DAAM2: variants seen among roughly 807,000 people sequenced by gnomAD.
DAAM2 encodes the protein disheveled-associated activator of morphogenesis 2.
Under a neutral mutation model 120.7 loss-of-function variants are expected in DAAM2, and 39 were observed. The ratio of observed to expected loss-of-function variants is 0.32; its 90% CI spans 0.25 to 0.42. The LOEUF (loss-of-function observed/expected upper bound fraction) is 0.42, where lower values mean the gene tolerates loss of function less well. Among genes scored for constraint, DAAM2 ranks in the 10% least tolerant of loss-of-function variants. DAAM2 has a pLI of 1.00. For synonymous variants in DAAM2, 488 were observed against 524.9 expected, an observed-to-expected ratio of 0.93 and a Z score of 0.96; for missense variants, 1,283 against 1,401.7, an observed-to-expected ratio of 0.92 and a Z score of 1.35.
intron 1 of DAAM2, among the ~76,000 whole-genome samples, chr6:39,853,407 C>T (rs758499973): frequency 1.3e-5 from 2 of 152,172 alleles, no homozygotes; most frequent in East Asian, 1.9e-4. Flanking sequence ...CCTGTATGCA[C>T]GAGGTCCTTC....
At chr6:39,845,928 T>G (rs565677633) in intron 1 of DAAM2, among the ~76,000 whole-genome samples, 127 of 151,962 alleles carry the variant, frequency 8.4e-4, no homozygotes, top group Non-Finnish European at 1.3e-3. Context: ...GCAGAATAAC[T>G]CGAGAAGCAC....
chr6:39,849,852 A>T (rs926470345), intron 1 of DAAM2, among the ~76,000 whole-genome samples: 3 of 152,000 alleles, frequency 2.0e-5, no homozygotes, highest in Non-Finnish European at 4.4e-5. Flanking sequence ...AAAAGCATAG[A>T]TTCTTCCTTT....
intron 1 of DAAM2, among the ~76,000 whole-genome samples, chr6:39,839,960 C>G (rs2149250060): frequency 6.6e-6 from 1 of 152,330 alleles, no homozygotes; most frequent in Non-Finnish European, 1.5e-5. Flanking sequence ...GGCGCAGTAG[C>G]TCACACTCAT....
chr6:39,871,692 C>A, intron 9 of DAAM2, 120 bp downstream of exon 9: 7 of 807,182 alleles, frequency 8.7e-6, no homozygotes, highest in Non-Finnish European at 1.4e-5. Context: ...CCCTGGTGGG[C>A]ACCCCCATGG....
At chr6:39,846,812 T>C (rs1315029564) in intron 1 of DAAM2, among the ~76,000 whole-genome samples, 2 of 152,186 alleles carry the variant, frequency 1.3e-5, no homozygotes, top group African/African-American at 4.8e-5. Context: ...TTTACATTTT[T>C]ACAGCTCTTA....
At chr6:39,852,644 A>G (rs528324929) in intron 1 of DAAM2, among the ~76,000 whole-genome samples, 8 of 152,234 alleles carry the variant, frequency 5.3e-5, no homozygotes, top group African/African-American at 1.9e-4. Context: ...TTTCACTTCT[A>G]TTACTTCCTG....
At chr6:39,836,012 A>G (rs578143660) in intron 1 of DAAM2, among the ~76,000 whole-genome samples, 3 of 152,106 alleles carry the variant, frequency 2.0e-5, no homozygotes, top group South Asian at 2.1e-4. Context: ...CTAACAAATG[A>G]GTCTGGACAG....
At chr6:39,832,902 G>C (rs1037210667) in intron 1 of DAAM2, among the ~76,000 whole-genome samples, 1 of 152,082 alleles carries the variant, frequency 6.6e-6, no homozygotes, top group Non-Finnish European at 1.5e-5. Flanking sequence ...GTCTTCCTCA[G>C]GCTCCTGGCT....
At position 39,879,303 on chromosome 6, in the gene DAAM2, A is replaced by AC; in HGVS notation, c.1673dup (p.Pro559ThrfsTer32). On this transcript the variant is annotated frameshift_variant, in exon 14 of 25. Coordinates refer to ENST00000274867, the MANE Select transcript of DAAM2 (RefSeq NM_001201427.2). LOFTEE classifies it high-confidence loss of function. The stretch of plus-strand genomic sequence containing the variant: ...TTGCCTGTTGTCCCCCTCCCCCACC[A>AC]CCACCCCTTCCTCCCGGGGGACCCC... 1.3e-6 allele frequency: 1 copy of AC among 760,130 alleles called. No individual in the cohort carries two copies. The highest frequency in any genetic ancestry group is 1.7e-6 in the Non-Finnish European group (1 of 581,458). The allele number at this position is 760,130 out of a possible 1,614,324, so 47.1% of individuals were successfully genotyped here.
At chr6:39,814,817 C>G (rs1762262783) in intron 1 of DAAM2, among the ~76,000 whole-genome samples, 1 of 152,204 alleles carries the variant, frequency 6.6e-6, no homozygotes. Context: ...TCTGTTCTCA[C>G]CACGTGGCTC....
chr6:39,828,201 C>T (rs1373286511), intron 1 of DAAM2, among the ~76,000 whole-genome samples: 3 of 152,212 alleles, frequency 2.0e-5, no homozygotes, highest in East Asian at 3.8e-4. Flanking sequence ...CAATATTCCA[C>T]ACACTGGGTA....
chr6:39,892,335 A>C (rs3004061), intron 19 of DAAM2, among the ~76,000 whole-genome samples: 43,235 of 152,078 alleles, frequency 0.28, 7,670 homozygotes, highest in Non-Finnish European at 0.38. Flanking sequence ...TGCTATTATT[A>C]ATTTCCATGT....
chr6:39,870,603 C>T (rs964230451), intron 8 of DAAM2, among the ~76,000 whole-genome samples, 160 bp downstream of exon 8: 9 of 152,176 alleles, frequency 5.9e-5, no homozygotes, highest in African/African-American at 2.2e-4. Context: ...GGTGCCCTTG[C>T]CTGTCCTCTT....
At position 39,875,341 on chromosome 6, in the gene DAAM2, G is replaced by T; in HGVS notation, c.1174G>T (p.Gly392Cys). The change falls in exon 11 of 25, where the codon GGT (glycine) becomes TGT (cysteine). Residue 392 changes from glycine (G) to cysteine (C), a missense_variant. This residue lies in a region of DAAM2 where 338 missense variants were observed against 443.9 expected (regional missense o/e 0.76). Transcript: ENST00000274867. ...CTGTCATCCCTCAGACAAACGGAAC[G>T]GTGGCTACTTCCAGCAGTGGCAGCT... ...HCLQMPYKRN[G>C]GYFQQWQLLD... is the part of the protein sequence containing the mutation. The T allele has an allele frequency of 6.2e-7, 1 of 1,613,726 alleles. No homozygotes were observed. The highest frequency in any genetic ancestry group is 8.5e-7 in the Non-Finnish European group (1 of 1,179,744).
chr6:39,817,760 T>A (rs528199530), intron 1 of DAAM2, among the ~76,000 whole-genome samples: 1 of 152,126 alleles, frequency 6.6e-6, no homozygotes, highest in Admixed American at 6.5e-5. Flanking sequence ...GTTCCCTTCA[T>A]TGGGGGACCT....
intron 1 of DAAM2, among the ~76,000 whole-genome samples, chr6:39,807,052 G>T (rs1762029651): frequency 6.6e-6 from 1 of 152,092 alleles, no homozygotes; most frequent in South Asian, 2.1e-4. Flanking sequence ...CATATGGAAA[G>T]AAGATATGTT....
chr6:39,875,029 C>A (rs1444066690), intron 10 of DAAM2, among the ~76,000 whole-genome samples: 2 of 152,150 alleles, frequency 1.3e-5, no homozygotes, highest in Non-Finnish European at 2.9e-5. Flanking sequence ...ACTTCCTGGG[C>A]ATAGTATGCC....
intron 1 of DAAM2, among the ~76,000 whole-genome samples, chr6:39,797,858 G>C (rs1431000686): frequency 6.6e-6 from 1 of 152,274 alleles, no homozygotes; most frequent in South Asian, 2.1e-4. Flanking sequence ...ATAAACATTG[G>C]GTAGATGAAC....
chr6:39,853,490 C>T lies in DAAM2; in HGVS notation c.-56-2757C>T, dbSNP rs544369254. ...CTCTCCTGAGGGCCACTGTGCCTCA[C>T]TCCCCGTACTCAGGGGAGATGCTCT... On this transcript the variant is annotated intron_variant, in intron 1 of 24. Coordinates refer to ENST00000274867, the MANE Select transcript of DAAM2 (RefSeq NM_001201427.2). Among the ~76,000 whole-genome samples the T allele has an allele frequency of 2.0e-4, 30 of 152,326 alleles. 1 individual carries two copies. Among genetic ancestry groups the T allele is most frequent in the Admixed American group, 4.6e-4 (7 of 15,308 alleles).
Sources: allele counts gnomAD v4.1 joint callset (sites outside exome capture counted in the v4.1 genomes callset), GRCh38; gene constraint gnomAD v4.1.1; regional missense constraint gnomAD v4.1.1; transcripts MANE v1.5; gene names NCBI Gene and HGNC (gene_info 2026-07-23, HGNC 2026-07-21).